The following TRIM69 variants were observed in gnomAD, a reference collection of about 807,000 sequenced individuals.
The protein encoded by TRIM69 is E3 ubiquitin-protein ligase TRIM69.
Under a neutral mutation model 37.7 loss-of-function variants are expected in TRIM69, and 29 were observed. The observed-to-expected ratio is 0.77, with a 90% confidence interval of 0.57 to 1.05. The LOEUF is 1.05. Ranked by LOEUF, TRIM69 falls within the 50% of genes least tolerant of loss-of-function variation. The pLI is 0.00. For synonymous variants in TRIM69, 209 were observed against 212.4 expected (o/e 0.98, Z 0.14); for missense variants, 596 against 579.9 (o/e 1.03, Z -0.28).
Position 44,767,116 on chromosome 15 carries a change from T to G in TRIM69, c.962-115T>G, listed in dbSNP as rs540990478. ...AAGTAATTGCTTGCCTGTCTAAGAG[T>G]CTATGTGTATGGGGAGATAAAGTAC... On this transcript the variant is annotated intron_variant, in intron 6 of 6. Transcript: ENST00000329464. 13 of 488,968 alleles carry G rather than the reference T, an allele frequency of 2.7e-5. No homozygotes were observed. In the Admixed American group the frequency reaches 3.6e-4, roughly 14 times the overall value. The allele number at this position is 488,968 out of a possible 1,614,324, so 30.3% of individuals were successfully genotyped here. A position where few individuals can be genotyped will look rare whatever the true frequency, so the allele number is the denominator to read the frequency against.
intron 1 of TRIM69, among the ~76,000 whole-genome samples, chr15:44,751,223 C>A (rs1451817831): frequency 6.6e-6 from 1 of 151,830 alleles, no homozygotes; most frequent in Non-Finnish European, 1.5e-5. Context: ...TCAAGCAATT[C>A]TCCTGCCTCA....
intron 1 of TRIM69, among the ~76,000 whole-genome samples, chr15:44,752,336 TG>T (rs2087552532): frequency 6.6e-6 from 1 of 152,196 alleles, no homozygotes. Context: ...TCTTCTTGAT[TG>T]ATTGACCTTT....
chr15:44,756,273 G>C, intron 2 of TRIM69, 95 bp from the exon 3 acceptor site: 1 of 772,070 alleles, frequency 1.3e-6, no homozygotes, highest in South Asian at 1.7e-5. Context: ...GCAAGAGCTT[G>C]CTTTTTTCTT....
chr15:44,758,878 T>C, intron 4 of TRIM69, 24 bp downstream of exon 4: 1 of 1,597,432 alleles, frequency 6.3e-7, no homozygotes, highest in Non-Finnish European at 8.5e-7. Flanking sequence ...CCAATATGAT[T>C]ATGGGTACCT....
intron 1 of TRIM69, among the ~76,000 whole-genome samples, chr15:44,747,845 G>C (rs962647245): frequency 2.6e-5 from 4 of 152,164 alleles, no homozygotes; most frequent in African/African-American, 9.7e-5. Flanking sequence ...TTGATCATGA[G>C]GCAAAGAATG....
rs184317938 is a variant in TRIM69, at chr15:44,749,205, T to C, written c.7-5695T>C. On this transcript the variant is annotated intron_variant, in intron 1 of 6. Transcript: ENST00000329464. The stretch of plus-strand genomic sequence containing the variant: ...TCATGCTTGGCCTACAGCTTCCATT[T>C]TTTCAAAAATTGAGGTAAAAGTCAT... Among the ~76,000 whole-genome samples, 19 of 152,300 alleles carry C rather than the reference T, an allele frequency of 1.2e-4. No homozygotes were observed. The East Asian group carries it at 3.3e-3, about 26-fold the overall frequency.
intron 1 of TRIM69, among the ~76,000 whole-genome samples, chr15:44,746,801 C>T (rs867102722): frequency 2.6e-5 from 4 of 151,868 alleles, no homozygotes; most frequent in East Asian, 3.9e-4. Context: ...TATATAGAAA[C>T]GTTAAAGTGT....
intron 6 of TRIM69, among the ~76,000 whole-genome samples, chr15:44,762,723 C>G (rs1012675810): frequency 1.3e-5 from 2 of 151,916 alleles, no homozygotes; most frequent in African/African-American, 2.4e-5. Context: ...TCTTTCTTAT[C>G]TCTTCTCACC....
At chr15:44,741,755 A>G (rs1436700944) in intron 1 of TRIM69, among the ~76,000 whole-genome samples, 1 of 152,228 alleles carries the variant, frequency 6.6e-6, no homozygotes, top group Non-Finnish European at 1.5e-5. Context: ...CACCCTCCCA[A>G]GACTAAACCA....
intron 1 of TRIM69, among the ~76,000 whole-genome samples, chr15:44,749,653 A>C (rs2087479881): frequency 6.6e-6 from 1 of 152,168 alleles, no homozygotes; most frequent in African/African-American, 2.4e-5. Flanking sequence ...GATTGCTTCC[A>C]CCTGTGCCTA....
intron 1 of TRIM69, among the ~76,000 whole-genome samples, chr15:44,742,824 C>T (rs1487755477): frequency 6.6e-6 from 1 of 151,032 alleles, no homozygotes; most frequent in African/African-American, 2.4e-5. Context: ...AGGACACAAA[C>T]AAATGGAAGA....
In TRIM69 at chr15:44,767,516, T is replaced by C; in HGVS notation, c.1247T>C (p.Leu416Ser). 1.2e-6 allele frequency: 2 copies of C among 1,614,212 alleles called. No homozygotes were observed. The highest frequency in any genetic ancestry group is 1.7e-6 in the Non-Finnish European group (2 of 1,180,026). ...PLTPEQGFWL[L>S]RLRNQTDLKA... ...ACTCCTGAGCAAGGATTCTGGCTTT[T>C]AAGACTAAGGAACCAAACTGATCTA... The change falls in exon 7 of 7, where the codon TTA (leucine) becomes TCA (serine). Residue 416 changes from leucine (L) to serine (S), a missense_variant. By Grantham distance (145) the Leu-to-Ser change is moderately radical. Transcript: ENST00000329464.
intron 6 of TRIM69, among the ~76,000 whole-genome samples, chr15:44,760,081 T>G (rs2087744732): frequency 6.6e-6 from 1 of 152,238 alleles, no homozygotes; most frequent in South Asian, 2.1e-4. Context: ...AGATATGAGT[T>G]TGATATCAGG....
intron 5 of TRIM69, 22 bp downstream of exon 5, chr15:44,759,684 T>A: frequency 6.2e-7 from 1 of 1,614,152 alleles, no homozygotes; most frequent in Admixed American, 1.7e-5. Context: ...CCTATGGTAC[T>A]ATTAATATCA....
intron 1 of TRIM69, among the ~76,000 whole-genome samples, chr15:44,749,486 G>A (rs2087476502): frequency 1.3e-5 from 2 of 152,292 alleles, no homozygotes; most frequent in South Asian, 2.1e-4. Flanking sequence ...CGTGTAATAT[G>A]TGACCTTTTG....
intron 1 of TRIM69, among the ~76,000 whole-genome samples, chr15:44,741,256 C>A (rs1196933092): frequency 1.3e-5 from 2 of 152,190 alleles, no homozygotes; most frequent in African/African-American, 4.8e-5. Flanking sequence ...TAAAGATGTT[C>A]TTTGAAACCA....
chr15:44,736,721 CT>C lies in TRIM69; in HGVS notation c.6+22del, dbSNP rs11388295. ...TGAAGCTTCATGGAGGTGAGTGACC[CT>C]TTTTTTTTTTAACTTAGCAGGGCTT... On this transcript the variant is annotated intron_variant, in intron 1 of 6. Transcript: ENST00000329464. The C allele has an allele frequency of 4.2e-3, 6,094 of 1,444,086 alleles. No individual in the cohort carries two copies. The highest frequency in any genetic ancestry group is 0.021 in the Admixed American group (1,118 of 54,362). 89.5% of individuals were successfully genotyped at this position (1,444,086 alleles called of 1,614,324 possible).
rs1017269739 is a variant in TRIM69, at chr15:44,736,857, C to T, written c.6+147C>T. On this transcript the variant is annotated intron_variant, in intron 1 of 6. Transcript: ENST00000329464. ...CTTGTGACAGCTGGTAGCTACTATACTCTCTCCAAGCCTTGGAATAACTGA... is the reference window on the plus strand; with the variant it reads ...CTTGTGACAGCTGGTAGCTACTATATTCTCTCCAAGCCTTGGAATAACTGA... 13 of 862,286 alleles carry T rather than the reference C, an allele frequency of 1.5e-5. No homozygotes were observed. In the Admixed American group the frequency reaches 3.1e-4, roughly 21 times the overall value. The allele number at this position is 862,286 out of a possible 1,614,324, so 53.4% of individuals were successfully genotyped here.
At chr15:44,749,522 A>G (rs2087477262) in intron 1 of TRIM69, among the ~76,000 whole-genome samples, 1 of 152,130 alleles carries the variant, frequency 6.6e-6, no homozygotes, top group Non-Finnish European at 1.5e-5. Flanking sequence ...ACTTAGCATA[A>G]TGTTTTTGAG....
Sources: allele counts gnomAD v4.1 joint callset (sites outside exome capture counted in the v4.1 genomes callset), GRCh38; gene constraint gnomAD v4.1.1; transcripts MANE v1.5; gene names NCBI Gene and HGNC (gene_info 2026-07-23, HGNC 2026-07-21).